The following SMYD3 variants were observed in gnomAD, a reference collection of about 807,000 sequenced individuals.
The protein encoded by SMYD3 is histone-lysine N-methyltransferase SMYD3.
SMYD3 carries 36 observed loss-of-function variants against 57.7 expected under a neutral mutation model. The ratio of observed to expected loss-of-function variants is 0.62; its 90% CI spans 0.48 to 0.82. SMYD3 has a LOEUF of 0.82. Ranked by LOEUF, SMYD3 falls within the 40% of genes least tolerant of loss-of-function variation. SMYD3 has a pLI of 0.00. For synonymous variants in SMYD3, 211 were observed against 195.0 expected (o/e 1.08, Z -0.68); for missense variants, 515 against 538.8 (o/e 0.96, Z 0.44).
intron 5 of SMYD3, among the ~76,000 whole-genome samples, chr1:246,262,803 A>G (rs2148525574): frequency 6.6e-6 from 1 of 152,324 alleles, no homozygotes; most frequent in East Asian, 1.9e-4. Context: ...ATCTTAAAAC[A>G]TCTTGTAATT....
chr1:245,964,609 A>G lies in SMYD3; in HGVS notation c.532-34672T>C, dbSNP rs11808929. Among the ~76,000 whole-genome samples, 1,360 of 152,332 alleles carry G rather than the reference A, an allele frequency of 8.9e-3. 26 individuals carry two copies. Among genetic ancestry groups the G allele is most frequent in the African/African-American group, 0.03 (1,257 of 41,574 alleles). ...ATGAAAAAAGGACATGAAAGAACAG[A>G]TAAGTATAAGCAGATGAAAATTCTA... On this transcript the variant is annotated intron_variant, in intron 5 of 11. Transcript: ENST00000490107.
chr1:246,317,369 A>C (rs1385638238), intron 5 of SMYD3, among the ~76,000 whole-genome samples: 1 of 152,276 alleles, frequency 6.6e-6, no homozygotes, highest in East Asian at 1.9e-4. Flanking sequence ...TGTGTGCAAA[A>C]AACCTTCCAG....
At chr1:246,139,409 T>C (rs1042665490) in intron 5 of SMYD3, among the ~76,000 whole-genome samples, 1 of 152,204 alleles carries the variant, frequency 6.6e-6, no homozygotes, top group Admixed American at 6.5e-5. Context: ...ATTTAATGAT[T>C]ATTTTCCAGT....
chr1:246,381,407 T>C (rs2066383442), intron 1 of SMYD3, among the ~76,000 whole-genome samples: 1 of 152,204 alleles, frequency 6.6e-6, no homozygotes. Flanking sequence ...GGGATGGCAT[T>C]AAAGTGATTA....
intron 5 of SMYD3, among the ~76,000 whole-genome samples, chr1:246,170,613 G>GTAA (rs1283592151): frequency 6.6e-6 from 1 of 152,008 alleles, no homozygotes; most frequent in African/African-American, 2.4e-5. Flanking sequence ...AAAAACGGTA[G>GTAA]TAATACAAGA....
chr1:246,506,030 T>C (rs992423444), intron 1 of SMYD3, among the ~76,000 whole-genome samples: 5 of 152,236 alleles, frequency 3.3e-5, no homozygotes, highest in African/African-American at 1.2e-4. Context: ...TCCTGAATTA[T>C]GAATCAAATG....
intron 5 of SMYD3, among the ~76,000 whole-genome samples, chr1:245,956,369 G>A (rs535219190): frequency 2.2e-4 from 34 of 152,346 alleles, no homozygotes; most frequent in African/African-American, 7.9e-4. Context: ...CACATGCTCA[G>A]ATGCTCAGTC....
intron 1 of SMYD3, among the ~76,000 whole-genome samples, chr1:246,469,465 C>G (rs949609339): frequency 6.6e-6 from 1 of 152,070 alleles, no homozygotes; most frequent in African/African-American, 2.4e-5. Context: ...TTTGTCATTC[C>G]AGAGAGTAAG....
chr1:246,244,023 G>GTA (rs35075778), intron 5 of SMYD3, among the ~76,000 whole-genome samples: 13 of 118,682 alleles, frequency 1.1e-4, no homozygotes, highest in Non-Finnish European at 1.9e-4. Context: ...ACATATATGT[G>GTA]TATATATATA....
intron 5 of SMYD3, among the ~76,000 whole-genome samples, chr1:246,104,189 C>T (rs1464246428): frequency 6.6e-6 from 1 of 152,148 alleles, no homozygotes; most frequent in African/African-American, 2.4e-5. Flanking sequence ...TTCAGGAGCA[C>T]CTAACAAAGC....
At chr1:246,246,343 A>G (rs1166292888) in intron 5 of SMYD3, among the ~76,000 whole-genome samples, 1 of 152,162 alleles carries the variant, frequency 6.6e-6, no homozygotes, top group Non-Finnish European at 1.5e-5. Flanking sequence ...ACATTGCTCT[A>G]GTTGTTCAAA....
At chr1:245,920,153 A>C (rs1054696216) in intron 7 of SMYD3, among the ~76,000 whole-genome samples, 7 of 152,086 alleles carry the variant, frequency 4.6e-5, no homozygotes, top group African/African-American at 7.2e-5. Context: ...CTCTACTAAA[A>C]ATACAAAAAA....
intron 1 of SMYD3, among the ~76,000 whole-genome samples, chr1:246,426,398 G>A (rs925302507): frequency 2.0e-5 from 3 of 152,118 alleles, no homozygotes; most frequent in Non-Finnish European, 4.4e-5. Flanking sequence ...CCCATTAGGA[G>A]TTACTCCCTA....
intron 10 of SMYD3, among the ~76,000 whole-genome samples, chr1:245,768,165 T>A (rs2046193895): frequency 6.6e-6 from 1 of 152,232 alleles, no homozygotes; most frequent in Non-Finnish European, 1.5e-5. Context: ...TAAATTTTCC[T>A]TTCACAGGTA....
At chr1:246,480,867 C>T (rs1417180001) in intron 1 of SMYD3, among the ~76,000 whole-genome samples, 1 of 151,920 alleles carries the variant, frequency 6.6e-6, no homozygotes, top group Non-Finnish European at 1.5e-5. Flanking sequence ...GGTGCAATCT[C>T]GGCTCACTGC....
intron 10 of SMYD3, among the ~76,000 whole-genome samples, chr1:245,838,878 G>A (rs143279712): frequency 0.016 from 2,447 of 152,296 alleles, 31 homozygotes; most frequent in Non-Finnish European, 0.019. Flanking sequence ...AATCCCACCC[G>A]TATGAAACCT....
chr1:245,833,073 A>AAAAAAACACAAC lies in SMYD3; in HGVS notation c.1076+25422_1076+25423insGTTGTGTTTTTT. Among the ~76,000 whole-genome samples the AAAAAAACACAAC allele has an allele frequency of 2.5e-4, 32 of 128,664 alleles. 2 individuals are homozygous for AAAAAAACACAAC. Among genetic ancestry groups the AAAAAAACACAAC allele is most frequent in the East Asian group, 2.0e-3 (6 of 2,968 alleles). 84.4% of individuals were successfully genotyped at this position (128,664 alleles called of 152,430 possible). ...GGAATATGTGACAAAAAAAAAAAAA[A>AAAAAAACACAAC]AACCTGCTTTTATAATGCTGATTCA... On this transcript the variant is annotated intron_variant, in intron 10 of 11. Transcript: ENST00000490107.
intron 9 of SMYD3, among the ~76,000 whole-genome samples, chr1:245,863,469 T>C (rs1371707785): frequency 1.3e-5 from 2 of 152,230 alleles, no homozygotes; most frequent in Non-Finnish European, 2.9e-5. Context: ...CTAGAGATGT[T>C]AGTGGTTATG....
intron 5 of SMYD3, among the ~76,000 whole-genome samples, chr1:245,969,584 C>T (rs1174572439): frequency 6.6e-6 from 1 of 152,178 alleles, no homozygotes; most frequent in East Asian, 1.9e-4. Flanking sequence ...CTTCAAAGGG[C>T]AAAGTGGTTT....
Sources: gnomAD v4.1 joint callset for allele counts (sites outside exome capture counted in the v4.1 genomes callset) on GRCh38, gnomAD v4.1.1 for gene constraint, MANE v1.5 for transcripts, NCBI Gene and HGNC (gene_info 2026-07-23, HGNC 2026-07-21) for gene names.